WDFY2: variants seen among roughly 807,000 people sequenced by gnomAD.
WDFY2 encodes WD repeat and FYVE domain containing 2.
WDFY2 carries 36 observed loss-of-function variants against 56.4 expected under a neutral mutation model. The ratio of observed to expected loss-of-function variants is 0.64; its 90% confidence interval spans 0.49 to 0.84. WDFY2 has a LOEUF of 0.84. WDFY2 is among the 40% of genes least tolerant of loss of function. The pLI, the probability that WDFY2 is intolerant of heterozygous loss-of-function variation, is 0.00. For missense variants in WDFY2, 444 were observed against 512.2 expected (o/e 0.87, Z 1.29); for synonymous variants, 176 against 183.7 (o/e 0.96, Z 0.34).
chr13:51,661,390 A>T (rs554973842), intron 2 of WDFY2, among the ~76,000 whole-genome samples: 1 of 152,300 alleles, frequency 6.6e-6, no homozygotes, highest in East Asian at 1.9e-4. Context: ...ATTTATTATT[A>T]CTTGTATTAA....
At chr13:51,759,254 T>G (rs1953501966) in intron 11 of WDFY2, among the ~76,000 whole-genome samples, 1 of 152,228 alleles carries the variant, frequency 6.6e-6, no homozygotes. Flanking sequence ...CGAGGTATCT[T>G]GTAAAATGGT....
intron 8 of WDFY2, among the ~76,000 whole-genome samples, chr13:51,753,293 G>C (rs1953279051): frequency 6.6e-6 from 1 of 152,170 alleles, no homozygotes; most frequent in Non-Finnish European, 1.5e-5. Context: ...ATGAGAGGAT[G>C]GCAGCTAGCT....
At chr13:51,710,389 G>T (rs1952184381) in intron 4 of WDFY2, among the ~76,000 whole-genome samples, 2 of 152,256 alleles carry the variant, frequency 1.3e-5, no homozygotes, top group African/African-American at 4.8e-5. Flanking sequence ...AGACAGGGAT[G>T]CCCTCTCTCA....
At chr13:51,671,007 A>G (rs1262797787) in intron 2 of WDFY2, among the ~76,000 whole-genome samples, 4 of 152,186 alleles carry the variant, frequency 2.6e-5, no homozygotes, top group African/African-American at 9.7e-5. Context: ...CACTTAGAAT[A>G]ATGGTCTCCA....
chr13:51,607,542 T>C (rs1024271078), intron 1 of WDFY2, among the ~76,000 whole-genome samples: 9 of 151,698 alleles, frequency 5.9e-5, no homozygotes, highest in African/African-American at 2.2e-4. Flanking sequence ...AGTTGAGTGT[T>C]TTTTTTTTCT....
At chr13:51,637,554 C>T (rs576149598) in intron 1 of WDFY2, among the ~76,000 whole-genome samples, 38 of 152,052 alleles carry the variant, frequency 2.5e-4, no homozygotes, top group African/African-American at 8.2e-4. Context: ...AAAGAGGTCC[C>T]GATCCAGACC....
chr13:51,618,991 C>T (rs1954675592), intron 1 of WDFY2, among the ~76,000 whole-genome samples: 1 of 152,208 alleles, frequency 6.6e-6, no homozygotes, highest in Non-Finnish European at 1.5e-5. Flanking sequence ...AATCTGTGAT[C>T]CCCTTTGCTG....
intron 7 of WDFY2, among the ~76,000 whole-genome samples, chr13:51,748,753 G>T (rs1404299603): frequency 6.6e-6 from 1 of 151,524 alleles, no homozygotes; most frequent in Non-Finnish European, 1.5e-5. Context: ...CACATTGTAG[G>T]CATTAATCAG....
At chr13:51,670,108 A>G (rs549701408) in intron 2 of WDFY2, among the ~76,000 whole-genome samples, 95 of 152,210 alleles carry the variant, frequency 6.2e-4, no homozygotes, top group African/African-American at 2.2e-3. Flanking sequence ...CTGCCAAAGG[A>G]TTCCCTTTGC....
intron 1 of WDFY2, among the ~76,000 whole-genome samples, chr13:51,630,260 AT>A (rs1954926561): frequency 6.6e-6 from 1 of 152,194 alleles, no homozygotes; most frequent in Non-Finnish European, 1.5e-5. Flanking sequence ...TTTCTTATTT[AT>A]TCCCATGTAC....
chr13:51,627,508 A>G (rs1954858738), intron 1 of WDFY2, among the ~76,000 whole-genome samples: 1 of 151,050 alleles, frequency 6.6e-6, no homozygotes, highest in Non-Finnish European at 1.5e-5. Context: ...AGCTGGGATT[A>G]TGGACACCTG....
In WDFY2 at chr13:51,766,971, C is replaced by T. The variant is rs192262764; in HGVS notation, c.*7202C>T. 2 of 152,374 alleles carry T rather than the reference C, an allele frequency of 1.3e-5. No homozygotes were observed. Among genetic ancestry groups the T allele is most frequent in the East Asian group, 3.9e-4 (2 of 5,172 alleles). 9.4% of individuals were successfully genotyped at this position (152,374 alleles called of 1,614,324 possible). On this transcript the variant is annotated 3_prime_UTR_variant, in exon 12 of 12. Transcript: ENST00000298125. ...TTTGGAGGTGAAGATGAGCCCTGTTCACCACAGTCTAAGCACAGCACACGG... is the reference window on the plus strand; with the variant it reads ...TTTGGAGGTGAAGATGAGCCCTGTTTACCACAGTCTAAGCACAGCACACGG...
chr13:51,726,869 T>TA (rs1182144878), intron 5 of WDFY2, among the ~76,000 whole-genome samples: 1 of 152,232 alleles, frequency 6.6e-6, no homozygotes, highest in Non-Finnish European at 1.5e-5. Flanking sequence ...CTTTTTATAT[T>TA]AGAGATTTGG....
At chr13:51,640,049 G>T (rs560787428) in intron 1 of WDFY2, among the ~76,000 whole-genome samples, 1 of 152,140 alleles carries the variant, frequency 6.6e-6, no homozygotes, top group Non-Finnish European at 1.5e-5. Context: ...ATTCAAGGTG[G>T]TTCATTCATT....
At chr13:51,655,301 T>TA (rs1955486982) in intron 1 of WDFY2, among the ~76,000 whole-genome samples, 1 of 152,188 alleles carries the variant, frequency 6.6e-6, no homozygotes, top group African/African-American at 2.4e-5. Context: ...GTTTTCACTT[T>TA]TTATTGAGTA....
chr13:51,675,051 A>C (rs1167122735), intron 2 of WDFY2, 119 bp from the exon 3 acceptor site: 1 of 826,752 alleles, frequency 1.2e-6, no homozygotes, highest in Non-Finnish European at 2.0e-6. Flanking sequence ...ATGTTAAATG[A>C]AATGTTTTCC....
chr13:51,656,158 G>C (rs1277167786), intron 1 of WDFY2, among the ~76,000 whole-genome samples: 2 of 139,972 alleles, frequency 1.4e-5, no homozygotes, highest in Non-Finnish European at 3.1e-5. Context: ...TTATTGATTT[G>C]TGATCTTCTT....
intron 6 of WDFY2, among the ~76,000 whole-genome samples, chr13:51,731,615 G>A (rs1952724621): frequency 6.6e-6 from 1 of 152,160 alleles, no homozygotes; most frequent in Non-Finnish European, 1.5e-5. Flanking sequence ...CTAGAGTGAG[G>A]ACCTTTAAGA....
chr13:51,712,269 G>A (rs945234129), intron 4 of WDFY2, among the ~76,000 whole-genome samples: 1 of 152,136 alleles, frequency 6.6e-6, no homozygotes, highest in South Asian at 2.1e-4. Flanking sequence ...GACACAGGTT[G>A]AGGAACATCA....
Sources: allele counts gnomAD v4.1 joint callset (sites outside exome capture counted in the v4.1 genomes callset), GRCh38; gene constraint gnomAD v4.1.1; transcripts MANE v1.5; gene names NCBI Gene and HGNC (gene_info 2026-07-23, HGNC 2026-07-21).